The following MRRF variants were observed in gnomAD, a reference collection of about 807,000 sequenced individuals.
MRRF encodes the protein mitochondrial ribosome recycling factor.
MRRF carries 18 observed loss-of-function variants against 25.1 expected under a neutral mutation model. The observed-to-expected ratio is 0.72, with a 90% confidence interval of 0.50 to 1.06. The LOEUF is 1.06. Among genes scored for constraint, MRRF ranks in the 50% least tolerant of loss-of-function variants. The pLI is 0.00. For synonymous variants in MRRF, 113 were observed against 112.1 expected, an observed-to-expected ratio of 1.01 and a Z score of -0.05; for missense variants, 323 against 319.3, an observed-to-expected ratio of 1.01 and a Z score of -0.09.
intron 2 of MRRF, among the ~76,000 whole-genome samples, chr9:122,278,910 C>T (rs893335475): frequency 6.6e-6 from 1 of 151,272 alleles, no homozygotes; most frequent in Non-Finnish European, 1.5e-5. Context: ...TTTGATCTGT[C>T]GCCCAGGCTG....
At chr9:122,277,060 A>G (rs1013236269) in intron 2 of MRRF, among the ~76,000 whole-genome samples, 4 of 152,038 alleles carry the variant, frequency 2.6e-5, no homozygotes, top group East Asian at 1.9e-4. Context: ...GGGTTTTGCA[A>G]TGTTTCCCAG....
rs754971390 is a variant in MRRF, at chr9:122,280,523, A to T, written c.265A>T (p.Asn89Tyr). 1 of 1,613,852 alleles carries T rather than the reference A, an allele frequency of 6.2e-7. No individual in the cohort carries two copies. The highest frequency in any genetic ancestry group is 8.5e-7 in the Non-Finnish European group (1 of 1,179,728). Reference protein sequence around the residue: ...VEDIINLEEVNEEMKSVIEAL... With the variant: ...VEDIINLEEVYEEMKSVIEAL... ...GGATATAATCAACTTGGAAGAGGTGAATGAAGAAATGAAGTCTGTGATAGA... is the reference window on the plus strand; with the variant it reads ...GGATATAATCAACTTGGAAGAGGTGTATGAAGAAATGAAGTCTGTGATAGA... Residue 89 changes from asparagine to tyrosine, a missense_variant, in exon 3 of 7, where the codon AAT becomes TAT. Asn to Tyr is a moderately radical substitution (Grantham distance 143). Coordinates refer to ENST00000344641, the MANE Select transcript of MRRF (RefSeq NM_138777.5).
chr9:122,304,825 A>G (rs1340419643), intron 5 of MRRF, among the ~76,000 whole-genome samples: 2 of 152,210 alleles, frequency 1.3e-5, no homozygotes, highest in African/African-American at 4.8e-5. Context: ...CAAGAGAGGA[A>G]ATAGAGCAGA....
rs1836141967 is a variant in MRRF, at chr9:122,326,348, T to C, written c.*3731T>C. ...GCTGGTCTTGAACTCCTGACTCAGGTGATCCACCTGTCTCAGCCTCCCAAA... is the reference window on the plus strand; with the variant it reads ...GCTGGTCTTGAACTCCTGACTCAGGCGATCCACCTGTCTCAGCCTCCCAAA... On this transcript the variant is annotated 3_prime_UTR_variant, in exon 7 of 7. Transcript: ENST00000344641. 6.6e-6 allele frequency: 1 copy of C among 151,804 alleles called. No homozygotes were observed. Among genetic ancestry groups the C allele is most frequent in the African/African-American group, 2.4e-5 (1 of 41,296 alleles). The allele number at this position is 151,804 out of a possible 1,614,324, so 9.4% of individuals were successfully genotyped here. A position where few individuals can be genotyped will look rare whatever the true frequency, so the allele number is the denominator to read the frequency against.
At chr9:122,282,310 G>T (rs1833133958) in intron 3 of MRRF, among the ~76,000 whole-genome samples, 1 of 152,014 alleles carries the variant, frequency 6.6e-6, no homozygotes. Flanking sequence ...ATTCATTGTT[G>T]TCCTCTTCCC....
At chr9:122,294,517 A>G (rs564307396) in intron 5 of MRRF, among the ~76,000 whole-genome samples, 1 of 152,136 alleles carries the variant, frequency 6.6e-6, no homozygotes, top group Non-Finnish European at 1.5e-5. Flanking sequence ...TCATTTTTTT[A>G]TATACTTTCT....
At chr9:122,282,385 A>G (rs1833138207) in intron 3 of MRRF, among the ~76,000 whole-genome samples, 1 of 152,196 alleles carries the variant, frequency 6.6e-6, no homozygotes, top group African/African-American at 2.4e-5. Flanking sequence ...TTCTGTGCTG[A>G]TTAATATGTG....
At chr9:122,269,921 G>A (rs899807800) in intron 1 of MRRF, among the ~76,000 whole-genome samples, 2 of 152,070 alleles carry the variant, frequency 1.3e-5, no homozygotes, top group African/African-American at 4.8e-5. Flanking sequence ...AAATCAAGGA[G>A]CAGAAATATT....
chr9:122,303,028 C>A (rs749658284), intron 5 of MRRF, among the ~76,000 whole-genome samples: 12 of 152,198 alleles, frequency 7.9e-5, no homozygotes, highest in South Asian at 2.1e-4. Context: ...AAGTCCTTTG[C>A]CCATTTTATA....
chr9:122,280,192 G>C (rs1426935437), intron 2 of MRRF, among the ~76,000 whole-genome samples: 2 of 152,202 alleles, frequency 1.3e-5, no homozygotes, highest in Non-Finnish European at 1.5e-5. Flanking sequence ...CATAAAGCTA[G>C]TATGCATTAT....
rs190638042 is a variant in MRRF at position 122,274,089 on chromosome 9, T to C, written c.184+3014T>C. 7.2e-5 allele frequency among the ~76,000 whole-genome samples: 11 copies of C among 152,292 alleles called. No individual in the cohort carries two copies. The East Asian group carries it at 1.5e-3, about 21-fold the overall frequency. ...TTCTCCTCTCCTCCCCTCACTGTCATTGGATTGGCTAGGAACTCTAGTGTA... is the reference window on the plus strand; with the variant it reads ...TTCTCCTCTCCTCCCCTCACTGTCACTGGATTGGCTAGGAACTCTAGTGTA... On this transcript the variant is annotated intron_variant, in intron 2 of 6. Coordinates refer to ENST00000344641, the MANE Select transcript of MRRF (RefSeq NM_138777.5).
At chr9:122,295,632 G>A (rs1834039220) in intron 5 of MRRF, among the ~76,000 whole-genome samples, 1 of 152,060 alleles carries the variant, frequency 6.6e-6, no homozygotes, top group African/African-American at 2.4e-5. Context: ...TTTTAGTAGA[G>A]ACGGGATTTC....
chr9:122,310,176 G>T (rs1347830609), intron 5 of MRRF, among the ~76,000 whole-genome samples: 1 of 152,148 alleles, frequency 6.6e-6, no homozygotes, highest in African/African-American at 2.4e-5. Context: ...AGGCTCAGAC[G>T]GTTTAAATAA....
At chr9:122,301,811 G>A (rs1212135504) in intron 5 of MRRF, among the ~76,000 whole-genome samples, 2 of 151,126 alleles carry the variant, frequency 1.3e-5, no homozygotes, top group African/African-American at 4.9e-5. Context: ...TCGGCTCACT[G>A]CAACCTCCAC....
intron 3 of MRRF, 50 bp downstream of exon 3, chr9:122,280,648 G>A (rs1356521581): frequency 6.3e-7 from 1 of 1,586,466 alleles, no homozygotes. Flanking sequence ...GAAAGAGCAT[G>A]GGTTTGGCAG....
intron 6 of MRRF, among the ~76,000 whole-genome samples, chr9:122,321,242 A>G (rs1835873236): frequency 6.6e-6 from 1 of 152,170 alleles, no homozygotes; most frequent in African/African-American, 2.4e-5. Context: ...ATGTATATAC[A>G]CAATTTTGTG....
At chr9:122,311,089 A>T (rs908842448) in intron 5 of MRRF, among the ~76,000 whole-genome samples, 2 of 152,018 alleles carry the variant, frequency 1.3e-5, no homozygotes, top group Admixed American at 1.3e-4. Flanking sequence ...TGTCTTTTTA[A>T]ATCTTCATTT....
At chr9:122,297,002 T>C (rs547626518) in intron 5 of MRRF, among the ~76,000 whole-genome samples, 52 of 152,298 alleles carry the variant, frequency 3.4e-4, no homozygotes, top group Non-Finnish European at 6.9e-4. Context: ...TGGTTTTATT[T>C]TAAATAAAAT....
chr9:122,297,566 C>T (rs1042656280), intron 5 of MRRF, among the ~76,000 whole-genome samples: 65 of 152,166 alleles, frequency 4.3e-4, no homozygotes, highest in African/African-American at 1.5e-3. Context: ...TTTACACTTA[C>T]ATTAACCAGT....
Sources: gnomAD v4.1 joint callset for allele counts (sites outside exome capture counted in the v4.1 genomes callset) on GRCh38, gnomAD v4.1.1 for gene constraint, MANE v1.5 for transcripts, NCBI Gene and HGNC (gene_info 2026-07-23, HGNC 2026-07-21) for gene names.